The following MYO18A variants were observed in gnomAD, a reference collection of about 807,000 sequenced individuals.
The protein encoded by MYO18A is unconventional myosin-XVIIIa.
Under a neutral mutation model 235.8 loss-of-function variants are expected in MYO18A, and 78 were observed. That is an observed-to-expected ratio of 0.33 (90% CI 0.28 to 0.40). The LOEUF is 0.40. Among genes scored for constraint, MYO18A ranks in the 10% least tolerant of loss-of-function variants. The probability of loss-of-function intolerance (pLI) is 1.00; values close to 1 mark genes in which losing one functional copy is unlikely to be tolerated. For missense variants in MYO18A, 2,215 were observed against 2,699.3 expected (o/e 0.82, Z 3.98); for synonymous variants, 977 against 1,077.8 (o/e 0.91, Z 1.83).
Position 29,086,483 on chromosome 17 carries a change from A to G in MYO18A, c.5807T>C (p.Ile1936Thr), listed in dbSNP as rs759515395. The change falls in exon 39 of 42, where the codon ATT (isoleucine) becomes ACT (threonine). Residue 1936 changes from isoleucine (I) to threonine (T), a missense_variant. Coordinates refer to ENST00000527372, the MANE Select transcript of MYO18A (RefSeq NM_078471.4). The part of the protein sequence containing the change: ...FKRIGDLQAA[I>T]EDEMESDENE... ...CTCATCACTCTCCATCTCATCCTCAATGGCAGCCTGCAGGTCCCCGATGCG... is the reference window on the plus strand; with the variant it reads ...CTCATCACTCTCCATCTCATCCTCAGTGGCAGCCTGCAGGTCCCCGATGCG... 6.2e-7 allele frequency: 1 copy of G among 1,610,078 alleles called. No homozygotes were observed. The highest frequency in any genetic ancestry group is 8.5e-7 in the Non-Finnish European group (1 of 1,178,158).
Position 29,074,986 on chromosome 17 carries a change from G to A in MYO18A, c.6021-72C>T. On this transcript the variant is annotated intron_variant, in intron 41 of 41. Coordinates refer to ENST00000527372, the MANE Select transcript of MYO18A (RefSeq NM_078471.4). The surrounding 1 kb of genome is among the most constrained non-coding windows in gnomAD (Gnocchi z 4.4). The stretch of plus-strand genomic sequence containing the variant: ...ATTAAGCACGCACGCCTTTGGTTCT[G>A]GAGGCCCACAAAGCTGCGTCAGAGC... 1 of 1,577,200 alleles carries A rather than the reference G, an allele frequency of 6.3e-7. No individual in the cohort carries two copies. The highest frequency in any genetic ancestry group is 8.7e-7 in the Non-Finnish European group (1 of 1,153,524).
At position 29,092,384 on chromosome 17, in the gene MYO18A, G is replaced by A. The variant is rs1034160264; in HGVS notation, c.5146C>T (p.Leu1716=). 1.9e-5 allele frequency: 30 copies of A among 1,612,168 alleles called. No homozygotes were observed. In the Admixed American group the frequency reaches 4.7e-4, roughly 25 times the overall value. ...RKAMEVEIED[L]HLQIDDIAKA... ...GCGATGTCATCAATCTGCAGGTGCA[G>A]GTCTTCGATCTCCACCTCCATTGCT... The change falls in exon 34 of 42, where the codon CTG becomes TTG. Residue 1716 remains leucine (L), a synonymous_variant. Transcript: ENST00000527372.
In MYO18A at chr17:29,098,210, T is replaced by G. The variant is rs757151921; in HGVS notation, c.3885A>C (p.Thr1295=). ...DRLESRISEL[T]SELTDERNTG... ...TGTTACGCTCATCTGTCAGCTCCGATGTCAGCTCTGAGATCTGGGGTTGGG... is the reference window on the plus strand; with the variant it reads ...TGTTACGCTCATCTGTCAGCTCCGAGGTCAGCTCTGAGATCTGGGGTTGGG... The change falls in exon 25 of 42, where the codon ACA becomes ACC. Residue 1295 remains threonine, a synonymous_variant. Transcript: ENST00000527372. 28 of 1,613,984 alleles carry G rather than the reference T, an allele frequency of 1.7e-5. No homozygotes were observed. In the South Asian group the frequency reaches 2.0e-4, roughly 11 times the overall value.
At chr17:29,097,730 G>A (rs530134215) in intron 26 of MYO18A, 58 bp downstream of exon 26, 5 of 1,454,558 alleles carry the variant, frequency 3.4e-6, no homozygotes, top group Non-Finnish European at 4.7e-6. Context: ...CTACCCAGGG[G>A]TGGGCATCAG....
At chr17:29,113,414 G>C (rs908908942) in intron 15 of MYO18A, among the ~76,000 whole-genome samples, 1 of 152,250 alleles carries the variant, frequency 6.6e-6, no homozygotes, top group Non-Finnish European at 1.5e-5. Flanking sequence ...CCCCCACCGA[G>C]TGCCAAGGTG....
At chr17:29,162,684 C>T (rs1270240224) in intron 2 of MYO18A, among the ~76,000 whole-genome samples, 5 of 152,200 alleles carry the variant, frequency 3.3e-5, no homozygotes, top group Non-Finnish European at 5.9e-5. Flanking sequence ...TGCTGCTCAC[C>T]GCTGGAGCCC....
intron 40 of MYO18A, among the ~76,000 whole-genome samples, 156 bp downstream of exon 40, chr17:29,085,448 T>C (rs552753534): frequency 2.0e-5 from 3 of 152,294 alleles, no homozygotes; most frequent in African/African-American, 7.2e-5. Context: ...CCCCCGAGGA[T>C]AGAGTCAGCA....
chr17:29,123,201 TG>T (rs1013442070), intron 2 of MYO18A, among the ~76,000 whole-genome samples: 1 of 152,114 alleles, frequency 6.6e-6, no homozygotes, highest in African/African-American at 2.4e-5. Flanking sequence ...AAACGGTGTC[TG>T]GGGGAGCTGG....
intron 40 of MYO18A, among the ~76,000 whole-genome samples, 197 bp from the exon 41 acceptor site, chr17:29,082,635 C>T (rs1431245483): frequency 6.6e-6 from 1 of 152,068 alleles, no homozygotes; most frequent in African/African-American, 2.4e-5. Flanking sequence ...TCAGCAGCCA[C>T]ACTGTGTGAC....
chr17:29,114,808 A>G (rs1157303166), intron 14 of MYO18A, 99 bp downstream of exon 14: 1 of 1,291,294 alleles, frequency 7.7e-7, no homozygotes, highest in African/African-American at 1.5e-5. Context: ...GAGGACAGAA[A>G]TGGAGAGTAA....
chr17:29,166,584 C>T lies in MYO18A; in HGVS notation c.357G>A (p.Gln119=). ...CCAGTGAGCCGAACTTGGCTGCCCG[C>T]TGCAGCACCGAGCCACGGAAGCTAC... ...EEGSFRGSVL[Q]RAAKFGSLAK... is the part of the protein sequence containing the mutation. The change falls in exon 2 of 42, where the codon CAG becomes CAA. Residue 119 remains glutamine, a synonymous_variant. Transcript: ENST00000527372. The T allele has an allele frequency of 1.2e-6, 2 of 1,613,814 alleles. No individual in the cohort carries two copies. The highest frequency in any genetic ancestry group is 4.5e-5 in the East Asian group (2 of 44,878).
intron 41 of MYO18A, chr17:29,080,363 G>C (rs2066089205): frequency 3.0e-6 from 3 of 986,272 alleles, no homozygotes; most frequent in Non-Finnish European, 3.6e-6. Flanking sequence ...CTGCGTGGCC[G>C]GGGTGGCACC....
intron 39 of MYO18A, 138 bp from the exon 40 acceptor site, chr17:29,085,786 G>A: frequency 1.3e-6 from 1 of 799,866 alleles, no homozygotes; most frequent in Non-Finnish European, 2.1e-6. Flanking sequence ...AGACCAGGTA[G>A]TGGGATGCGT....
At chr17:29,077,991 G>A (rs891517292) in intron 41 of MYO18A, 2 of 152,126 alleles carry the variant, frequency 1.3e-5, no homozygotes, top group Non-Finnish European at 1.5e-5. Flanking sequence ...GGAAGGCTGA[G>A]ATGCCTGATC....
At chr17:29,098,774 C>A in intron 23 of MYO18A, 52 bp downstream of exon 23, 4 of 1,604,064 alleles carry the variant, frequency 2.5e-6, no homozygotes, top group Non-Finnish European at 3.4e-6. Context: ...CAAGATAAAC[C>A]AGCAAGGCTT....
At chr17:29,122,287 C>A (rs1232643511) in intron 2 of MYO18A, 34 bp from the exon 3 acceptor site, 1 of 1,576,868 alleles carries the variant, frequency 6.3e-7, no homozygotes, top group Non-Finnish European at 8.6e-7. Flanking sequence ...ACAGGCCCTG[C>A]TATGGAAGAC....
intron 28 of MYO18A, 52 bp downstream of exon 28, chr17:29,096,709 T>C (rs1254195555): frequency 1.3e-6 from 2 of 1,516,960 alleles, no homozygotes; most frequent in Non-Finnish European, 1.8e-6. Context: ...GGCAGTCCTG[T>C]CTGTGGCTGC....
rs889913592 is a variant in MYO18A, at chr17:29,121,185, C to A, written c.1398G>T (p.Arg466=). The A allele has an allele frequency of 6.2e-7, 1 of 1,609,406 alleles. No individual in the cohort carries two copies. Among genetic ancestry groups the A allele is most frequent in the Admixed American group, 1.7e-5 (1 of 59,388 alleles). Residue 466 remains arginine, a synonymous_variant, in exon 6 of 42, where the codon CGG becomes CGT. Transcript: ENST00000527372. The surrounding 1 kb of genome is among the most constrained non-coding windows in gnomAD (Gnocchi z 4.2). ...EKVMHMFKGC[R]REDMAPHIYA... The stretch of plus-strand genomic sequence containing the variant: ...AGATGTGGGGTGCCATGTCCTCCCG[C>A]CGACAACCCTTGAACATGTGCATCA...
chr17:29,081,502 A>G (rs1207181711), intron 41 of MYO18A, among the ~76,000 whole-genome samples: 2 of 151,736 alleles, frequency 1.3e-5, no homozygotes, highest in East Asian at 1.9e-4. Context: ...GGAGGGAGAG[A>G]TGTTACTTTT....
Sources: gnomAD v4.1 joint callset for allele counts (sites outside exome capture counted in the v4.1 genomes callset) on GRCh38, gnomAD v4.1.1 for gene constraint, Gnocchi (gnomAD v3.1) non-coding constraint, MANE v1.5 for transcripts, NCBI Gene and HGNC (gene_info 2026-07-23, HGNC 2026-07-21) for gene names.